The following TLN2 variants were observed in gnomAD, a reference collection of about 807,000 sequenced individuals.
The protein encoded by TLN2 is talin 2.
In TLN2, 118 loss-of-function variants were observed where a neutral mutation model predicts 294.7. The ratio of observed to expected loss-of-function variants is 0.40; its 90% CI spans 0.34 to 0.47. The LOEUF (loss-of-function observed/expected upper bound fraction) is 0.47, where lower values mean the gene tolerates loss of function less well. Ranked by LOEUF, TLN2 falls within the 20% of genes least tolerant of loss-of-function variation. The pLI is 0.84. For synonymous variants in TLN2, 1,431 were observed against 1,304.5 expected, an observed-to-expected ratio of 1.10 and a Z score of -2.09; for missense variants, 3,083 against 3,282.2, an observed-to-expected ratio of 0.94 and a Z score of 1.48.
intron 1 of TLN2, among the ~76,000 whole-genome samples, chr15:62,520,183 G>A (rs1193530308): frequency 1.3e-5 from 2 of 152,236 alleles, no homozygotes; most frequent in African/African-American, 4.8e-5. Context: ...AATTCATGAT[G>A]AGATTTGTTA....
chr15:62,392,535 A>T (rs2032185668), intron 1 of TLN2, among the ~76,000 whole-genome samples: 1 of 152,134 alleles, frequency 6.6e-6, no homozygotes, highest in African/African-American at 2.4e-5. Flanking sequence ...GTGAGGGGGA[A>T]GCGGGAGTGG....
Position 62,776,925 on chromosome 15 carries a change from TA to T in TLN2, c.5514+16del. 1 of 1,511,866 alleles carries T rather than the reference TA, an allele frequency of 6.6e-7. No individual in the cohort carries two copies. The highest frequency in any genetic ancestry group is 8.9e-7 in the Non-Finnish European group (1 of 1,124,002). The allele number at this position is 1,511,866 out of a possible 1,614,324, so 93.7% of individuals were successfully genotyped here. The stretch of plus-strand genomic sequence containing the variant: ...CCATGAGCAAGGTGGGCATGGGCTC[TA>T]GGGCTCTCTACTCCCTTATCTCCCT... On this transcript the variant is annotated intron_variant, in intron 43 of 58. Coordinates refer to ENST00000636159, the MANE Select transcript of TLN2 (RefSeq NM_015059.3).
intron 32 of TLN2, among the ~76,000 whole-genome samples, chr15:62,747,826 G>A (rs1370417550): frequency 1.3e-5 from 2 of 152,174 alleles, no homozygotes; most frequent in African/African-American, 4.8e-5. Context: ...AATGTATTAT[G>A]TACTGTATTC....
At chr15:62,821,510 C>T (rs1010627809) in intron 54 of TLN2, among the ~76,000 whole-genome samples, 2 of 152,120 alleles carry the variant, frequency 1.3e-5, no homozygotes, top group Non-Finnish European at 2.9e-5. Flanking sequence ...GAGTCTGGGC[C>T]CTGAAACAGA....
At chr15:62,813,827 T>A (rs955209022) in intron 52 of TLN2, among the ~76,000 whole-genome samples, 1 of 152,134 alleles carries the variant, frequency 6.6e-6, no homozygotes, top group African/African-American at 2.4e-5. Context: ...CTTTTTTTTT[T>A]TTTGGAGACA....
rs2070874859 is a variant in TLN2, at chr15:62,843,159, ATC to A, written c.*2553_*2554del. 6.6e-6 allele frequency: 1 copy of A among 152,122 alleles called. No homozygotes were observed. The highest frequency in any genetic ancestry group is 2.1e-4 in the South Asian group (1 of 4,802). The allele number at this position is 152,122 out of a possible 1,614,324, so 9.4% of individuals were successfully genotyped here. ...CCCCAGGTCTGGAGCATAGAAGTGT[ATC>A]TCTGTGAAGAGAGAGCCGGTGTGTT... On this transcript the variant is annotated 3_prime_UTR_variant, in exon 59 of 59. Coordinates refer to ENST00000636159, the MANE Select transcript of TLN2 (RefSeq NM_015059.3).
chr15:62,731,654 T>C (rs2060734065), intron 28 of TLN2, among the ~76,000 whole-genome samples: 1 of 152,232 alleles, frequency 6.6e-6, no homozygotes, highest in East Asian at 1.9e-4. Flanking sequence ...CAAGAAACTT[T>C]ACTCAGCTTC....
intron 32 of TLN2, among the ~76,000 whole-genome samples, chr15:62,741,767 G>GTGTGTGTGTGTGTGTGTGTGT (rs1353440110): frequency 3.3e-5 from 5 of 151,560 alleles, no homozygotes; most frequent in Non-Finnish European, 7.4e-5. Context: ...GTGTGTGTGT[G>GTGTGTGTGTGTGTGTGTGTGT]TCTTTATGTC....
chr15:62,549,110 A>G (rs2042147069), intron 1 of TLN2, among the ~76,000 whole-genome samples: 1 of 152,144 alleles, frequency 6.6e-6, no homozygotes, highest in South Asian at 2.1e-4. Flanking sequence ...AGAGTCAATT[A>G]GCTGCCTTTA....
At chr15:62,836,672 A>AGCT (rs2069648276) in intron 57 of TLN2, among the ~76,000 whole-genome samples, 1 of 152,142 alleles carries the variant, frequency 6.6e-6, no homozygotes, top group Non-Finnish European at 1.5e-5. Flanking sequence ...AGTCCTTCTC[A>AGCT]GAGCAGATAC....
chr15:62,540,207 G>T (rs1275892587), intron 1 of TLN2, among the ~76,000 whole-genome samples: 16 of 152,136 alleles, frequency 1.1e-4, no homozygotes, highest in Non-Finnish European at 2.1e-4. Flanking sequence ...TGGGCATGGT[G>T]ATGGGTCCTG....
rs1191042399 is a variant in TLN2, at chr15:62,577,149, G to C, written c.-237-12538G>C. ...CAGCTTTGTTATGCTTCTTATTGTT[G>C]AAAATACTACTTTGCCGGGCGCGGT... On this transcript the variant is annotated intron_variant, in intron 1 of 58. Coordinates refer to ENST00000636159, the MANE Select transcript of TLN2 (RefSeq NM_015059.3). Among the ~76,000 whole-genome samples the C allele has an allele frequency of 2.0e-5, 3 of 152,180 alleles. No homozygotes were observed. In the East Asian group the frequency reaches 5.8e-4, roughly 29 times the overall value.
At chr15:62,675,755 C>T (rs1417476927) in intron 11 of TLN2, among the ~76,000 whole-genome samples, 3 of 152,152 alleles carry the variant, frequency 2.0e-5, no homozygotes, top group African/African-American at 7.2e-5. Context: ...TGGGATTTTA[C>T]GGCCTTCAGA....
rs531719159 is a variant in TLN2 at position 62,805,931 on chromosome 15, T to C, written c.6663+146T>C. The C allele has an allele frequency of 4.6e-6, 4 of 877,012 alleles. No individual in the cohort carries two copies. The African/African-American group carries it at 6.7e-5, about 15-fold the overall frequency. The allele number at this position is 877,012 out of a possible 1,614,324, so 54.3% of individuals were successfully genotyped here. On this transcript the variant is annotated intron_variant, in intron 51 of 58. Transcript: ENST00000636159. Reference sequence around the variant, plus strand: ...AGGGCCAGGGGTAGTGGCTTATGCCTGAAATCCCAACACTCTGGGAGCTGA... The same window carrying C: ...AGGGCCAGGGGTAGTGGCTTATGCCCGAAATCCCAACACTCTGGGAGCTGA...
intron 49 of TLN2, 76 bp from the exon 50 acceptor site, chr15:62,800,577 C>A (rs1223806939): frequency 1.1e-5 from 18 of 1,608,088 alleles, no homozygotes; most frequent in Non-Finnish European, 1.4e-5. Context: ...TCATAGCATG[C>A]GATCCAGAAG....
At chr15:62,596,264 C>CAAAAAA (rs71129015) in intron 2 of TLN2, among the ~76,000 whole-genome samples, 4 of 81,678 alleles carry the variant, frequency 4.9e-5, no homozygotes, top group East Asian at 4.2e-4. Context: ...GACTCCATCT[C>CAAAAAA]AAAAAAAAAA....
chr15:62,805,187 A>G (rs1023859730), intron 50 of TLN2, among the ~76,000 whole-genome samples: 1 of 151,986 alleles, frequency 6.6e-6, no homozygotes, highest in South Asian at 2.1e-4. Context: ...TGATGGGGCC[A>G]GGTCAGTCCT....
intron 28 of TLN2, among the ~76,000 whole-genome samples, chr15:62,730,353 C>T (rs982968207): frequency 1.3e-5 from 2 of 152,028 alleles, no homozygotes; most frequent in Non-Finnish European, 2.9e-5. Context: ...TGTTTTAATT[C>T]TAGGTATATT....
chr15:62,839,399 G>A (rs2070316623), intron 58 of TLN2, among the ~76,000 whole-genome samples: 1 of 152,198 alleles, frequency 6.6e-6, no homozygotes, highest in Non-Finnish European at 1.5e-5. Context: ...GGATTCTATT[G>A]TAGAAAGGAA....
Sources: gnomAD v4.1 joint callset for allele counts (sites outside exome capture counted in the v4.1 genomes callset) on GRCh38, gnomAD v4.1.1 for gene constraint, MANE v1.5 for transcripts, NCBI Gene and HGNC (gene_info 2026-07-23, HGNC 2026-07-21) for gene names.